MSL2: variants seen among roughly 807,000 people sequenced by gnomAD.
MSL2 encodes E3 ubiquitin-protein ligase MSL2.
In MSL2, 2 loss-of-function variants were observed where a neutral mutation model predicts 35.8. The ratio of observed to expected loss-of-function variants is 0.06; its 90% confidence interval spans 0.02 to 0.18. MSL2 has a LOEUF of 0.18. MSL2 is among the 10% of genes least tolerant of loss of function. The probability of loss-of-function intolerance (pLI) is 1.00; values close to 1 mark genes in which losing one functional copy is unlikely to be tolerated. For missense variants in MSL2, 523 were observed against 706.7 expected, an observed-to-expected ratio of 0.74 and a Z score of 2.95; for synonymous variants, 296 against 255.7, an observed-to-expected ratio of 1.16 and a Z score of -1.50.
At chr3:136,167,469 G>C (rs951617475) in intron 1 of MSL2, among the ~76,000 whole-genome samples, 2 of 152,058 alleles carry the variant, frequency 1.3e-5, no homozygotes. Context: ...AAAACATTCT[G>C]TATTTACCAC....
chr3:136,169,719 C>G (rs2108075086), intron 1 of MSL2, among the ~76,000 whole-genome samples: 1 of 151,992 alleles, frequency 6.6e-6, no homozygotes, highest in Non-Finnish European at 1.5e-5. Flanking sequence ...TCCCAAAGTG[C>G]TGGGATTACA....
At chr3:136,163,909 G>A (rs890673212) in intron 1 of MSL2, among the ~76,000 whole-genome samples, 1 of 152,128 alleles carries the variant, frequency 6.6e-6, no homozygotes, top group African/African-American at 2.4e-5. Flanking sequence ...AGATTGTTAA[G>A]TTCCTGAGGC....
intron 1 of MSL2, among the ~76,000 whole-genome samples, chr3:136,171,108 C>A (rs1940015207): frequency 6.6e-6 from 1 of 152,128 alleles, no homozygotes; most frequent in African/African-American, 2.4e-5. Flanking sequence ...CTGGGTATGT[C>A]TCACAAACAT....
At chr3:136,159,432 C>T (rs527945901) in intron 1 of MSL2, among the ~76,000 whole-genome samples, 2 of 132,284 alleles carry the variant, frequency 1.5e-5, no homozygotes, top group South Asian at 4.9e-4. Context: ...GGTGCCATCT[C>T]GGCTCACTGC....
chr3:136,156,674 C>T (rs964487238), intron 1 of MSL2, among the ~76,000 whole-genome samples: 25 of 152,116 alleles, frequency 1.6e-4, no homozygotes, highest in Non-Finnish European at 2.8e-4. Context: ...ACCATCCTGG[C>T]TAACACGGTG....
chr3:136,195,225 C>G lies in MSL2; in HGVS notation c.-112G>C. On this transcript the variant is annotated 5_prime_UTR_variant, in exon 1 of 2. Coordinates refer to ENST00000309993, the MANE Select transcript of MSL2 (RefSeq NM_018133.4). ...GCAACAATTCGGAAGAAATCAGAGC[C>G]GAACCATTGGCCAAACAAGTAACCA... The G allele has an allele frequency of 6.6e-7, 1 of 1,514,276 alleles. No individual in the cohort carries two copies. Among genetic ancestry groups the G allele is most frequent in the South Asian group, 1.4e-5 (1 of 74,056 alleles). 93.8% of individuals were successfully genotyped at this position (1,514,276 alleles called of 1,614,324 possible).
At chr3:136,161,311 T>G (rs1939702172) in intron 1 of MSL2, among the ~76,000 whole-genome samples, 1 of 152,220 alleles carries the variant, frequency 6.6e-6, no homozygotes, top group Non-Finnish European at 1.5e-5. Flanking sequence ...TGGTAGTTTC[T>G]TAAAAAGTTA....
intron 1 of MSL2, among the ~76,000 whole-genome samples, chr3:136,172,115 T>TAG (rs1940043365): frequency 6.6e-6 from 1 of 152,176 alleles, no homozygotes. Context: ...CTGGCCTGTA[T>TAG]ATTGAAATTT....
chr3:136,193,916 G>C (rs569119900), intron 1 of MSL2, among the ~76,000 whole-genome samples: 65 of 152,146 alleles, frequency 4.3e-4, no homozygotes, highest in Non-Finnish European at 7.6e-4. Flanking sequence ...TCTTGCTTCA[G>C]GATCTAGATA....
chr3:136,183,325 G>A (rs542885643), intron 1 of MSL2, among the ~76,000 whole-genome samples: 23 of 152,316 alleles, frequency 1.5e-4, no homozygotes, highest in Non-Finnish European at 2.9e-4. Context: ...GGAGGCCAAG[G>A]TAGGAGGAGA....
At chr3:136,186,592 T>C (rs922065512) in intron 1 of MSL2, among the ~76,000 whole-genome samples, 2 of 152,190 alleles carry the variant, frequency 1.3e-5, no homozygotes, top group African/African-American at 2.4e-5. Context: ...ACAAACACTA[T>C]TGTGAATTGT....
At position 136,158,049 on chromosome 3, in the gene MSL2, C is replaced by T. The variant is rs180671948; in HGVS notation, c.143-5311G>A. On this transcript the variant is annotated intron_variant, in intron 1 of 1. Coordinates refer to ENST00000309993, the MANE Select transcript of MSL2 (RefSeq NM_018133.4). The stretch of plus-strand genomic sequence containing the variant: ...ACAAACCGCCGGGAGCAGTGGCTCA[C>T]GCCTGTAATCCCAACACTTTGGGAG... Among the ~76,000 whole-genome samples the T allele has an allele frequency of 1.6e-3, 249 of 152,318 alleles. 1 individual carries two copies. The Middle Eastern group carries it at 0.027, about 17-fold the overall frequency.
chr3:136,161,725 T>C (rs1422142653), intron 1 of MSL2, among the ~76,000 whole-genome samples: 1 of 152,138 alleles, frequency 6.6e-6, no homozygotes, highest in Non-Finnish European at 1.5e-5. Context: ...ATGGGCACAA[T>C]GGAACCTTTT....
intron 1 of MSL2, among the ~76,000 whole-genome samples, chr3:136,174,920 C>T (rs1212238488): frequency 6.6e-6 from 1 of 152,132 alleles, no homozygotes; most frequent in African/African-American, 2.4e-5. Flanking sequence ...ATACTAAACT[C>T]ATGATTAGAC....
At chr3:136,168,528 G>A (rs921674426) in intron 1 of MSL2, among the ~76,000 whole-genome samples, 1 of 152,022 alleles carries the variant, frequency 6.6e-6, no homozygotes, top group African/African-American at 2.4e-5. Context: ...ACCAAACACC[G>A]CATGTTCTCA....
chr3:136,174,360 A>G (rs1323792425), intron 1 of MSL2, among the ~76,000 whole-genome samples: 1 of 152,204 alleles, frequency 6.6e-6, no homozygotes, highest in Admixed American at 6.5e-5. Context: ...CCCAGCCTAG[A>G]ATTATTTTCA....
Position 136,177,837 on chromosome 3 carries a change from G to A in MSL2, c.142+17135C>T, listed in dbSNP as rs551522488. Among the ~76,000 whole-genome samples, 26 of 152,204 alleles carry A rather than the reference G, an allele frequency of 1.7e-4. No homozygotes were observed. In the East Asian group the frequency reaches 2.5e-3, roughly 15 times the overall value. Reference sequence around the variant, plus strand: ...CTAAACATATATGCCAATTTTACAGGGAAGTGGAGGTGAAGAAAAAGAACA... The same window carrying A: ...CTAAACATATATGCCAATTTTACAGAGAAGTGGAGGTGAAGAAAAAGAACA... On this transcript the variant is annotated intron_variant, in intron 1 of 1. Transcript: ENST00000309993.
chr3:136,180,810 GAAGGAGGGAAGGA>G (rs1940332337), intron 1 of MSL2, among the ~76,000 whole-genome samples: 1 of 118,866 alleles, frequency 8.4e-6, no homozygotes, highest in Non-Finnish European at 1.8e-5. Context: ...GGGAGGGAGG[GAAGGAGGGAAGGA>G]AGGAAGGAAG....
chr3:136,191,166 T>A (rs1940678177), intron 1 of MSL2, among the ~76,000 whole-genome samples: 1 of 152,152 alleles, frequency 6.6e-6, no homozygotes, highest in Non-Finnish European at 1.5e-5. Flanking sequence ...CTTGTTCTCA[T>A]GGGTTCAAAA....
Sources: gnomAD v4.1 joint callset for allele counts (sites outside exome capture counted in the v4.1 genomes callset) on GRCh38, gnomAD v4.1.1 for gene constraint, MANE v1.5 for transcripts, NCBI Gene and HGNC (gene_info 2026-07-23, HGNC 2026-07-21) for gene names.